MFHAS1: variants seen among roughly 807,000 people sequenced by gnomAD.
The protein encoded by MFHAS1 is multifunctional ROCO family signaling regulator 1, also known as malignant fibrous histiocytoma-amplified sequence 1.
MFHAS1 carries 50 observed loss-of-function variants against 70.4 expected under a neutral mutation model. The ratio of observed to expected loss-of-function variants is 0.71; its 90% CI spans 0.57 to 0.90. The LOEUF (loss-of-function observed/expected upper bound fraction) is 0.90. MFHAS1 is among the 40% of genes least tolerant of loss of function. The probability of loss-of-function intolerance (pLI) is 0.00; values close to 1 mark genes in which losing one functional copy is unlikely to be tolerated. For synonymous variants in MFHAS1, 952 were observed against 620.0 expected (o/e 1.54, Z -7.96); for missense variants, 1,795 against 1,347.6 (o/e 1.33, Z -5.20).
chr8:8,870,947 G>A (rs955618469), intron 1 of MFHAS1, among the ~76,000 whole-genome samples: 1 of 152,136 alleles, frequency 6.6e-6, no homozygotes, highest in Non-Finnish European at 1.5e-5. Context: ...GGTGACAGGA[G>A]CGTCACTCTG....
At chr8:8,791,768 G>A (rs1213737311) in intron 2 of MFHAS1, among the ~76,000 whole-genome samples, 1 of 152,160 alleles carries the variant, frequency 6.6e-6, no homozygotes, top group Admixed American at 6.5e-5. Flanking sequence ...CAGTACCCCT[G>A]AAATATCTAG....
intron 1 of MFHAS1, among the ~76,000 whole-genome samples, chr8:8,805,706 T>C (rs112717383): frequency 0.14 from 20,672 of 152,128 alleles, 1,877 homozygotes; most frequent in Non-Finnish European, 0.2. Context: ...TTTGTTTTGC[T>C]TTCTTTTTTG....
intron 1 of MFHAS1, among the ~76,000 whole-genome samples, chr8:8,814,300 C>A (rs1287687512): frequency 6.6e-6 from 1 of 152,162 alleles, no homozygotes; most frequent in African/African-American, 2.4e-5. Flanking sequence ...TGCACAAATA[C>A]TTACCATCGT....
chr8:8,874,125 G>T (rs927527270), intron 1 of MFHAS1, among the ~76,000 whole-genome samples: 1 of 152,040 alleles, frequency 6.6e-6, no homozygotes, highest in Non-Finnish European at 1.5e-5. Flanking sequence ...TTTTCTAATT[G>T]CATCTCAAGA....
intron 1 of MFHAS1, among the ~76,000 whole-genome samples, chr8:8,868,564 A>C (rs571769697): frequency 6.6e-6 from 1 of 152,004 alleles, no homozygotes; most frequent in African/African-American, 2.4e-5. Flanking sequence ...GCTACTCCCA[A>C]CTACTCGGAT....
At position 8,823,747 on chromosome 8, in the gene MFHAS1, C is replaced by T. The variant is rs574968651; in HGVS notation, c.2999-26256G>A. Among the ~76,000 whole-genome samples the T allele has an allele frequency of 7.1e-4, 105 of 148,480 alleles. 1 individual carries two copies. Among genetic ancestry groups the T allele is most frequent in the East Asian group, 3.0e-3 (15 of 4,944 alleles). Reference sequence around the variant, plus strand: ...AGGTCACCGAGAAGAGCATCACCTGCGAAATTTCAAGACCCACGGTGGCTG... The same window carrying T: ...AGGTCACCGAGAAGAGCATCACCTGTGAAATTTCAAGACCCACGGTGGCTG... On this transcript the variant is annotated intron_variant, in intron 1 of 2. Transcript: ENST00000276282.
intron 1 of MFHAS1, among the ~76,000 whole-genome samples, chr8:8,882,339 C>G (rs773148420): frequency 1.3e-5 from 2 of 151,346 alleles, no homozygotes; most frequent in Non-Finnish European, 3.0e-5. Flanking sequence ...GCAGTGAGCT[C>G]AGATAGTGGC....
intron 1 of MFHAS1, among the ~76,000 whole-genome samples, chr8:8,872,355 C>A (rs1328418119): frequency 6.6e-6 from 1 of 152,110 alleles, no homozygotes; most frequent in Non-Finnish European, 1.5e-5. Flanking sequence ...TCACAAATGG[C>A]CCCATAAATC....
chr8:8,861,878 G>A (rs1808675895), intron 1 of MFHAS1, among the ~76,000 whole-genome samples: 3 of 152,192 alleles, frequency 2.0e-5, no homozygotes, highest in Admixed American at 2.0e-4. Flanking sequence ...AGTCATCCAT[G>A]TCGCTTTATC....
At chr8:8,873,463 T>A (rs1214792963) in intron 1 of MFHAS1, among the ~76,000 whole-genome samples, 1 of 139,644 alleles carries the variant, frequency 7.2e-6, no homozygotes, top group East Asian at 2.1e-4. Flanking sequence ...TATAACAGGA[T>A]TTAATTGCTT....
chr8:8,892,101 G>A lies in MFHAS1; in HGVS notation c.958C>T (p.Arg320Trp). 1 of 1,613,324 alleles carries A rather than the reference G, an allele frequency of 6.2e-7. No individual in the cohort carries two copies. The highest frequency in any genetic ancestry group is 8.5e-7 in the Non-Finnish European group (1 of 1,180,026). Residue 320 changes from arginine to tryptophan, a missense_variant, in exon 1 of 3, where the codon CGG becomes TGG. Transcript: ENST00000276282. The surrounding 1 kb of genome is among the most constrained non-coding windows in gnomAD (Gnocchi z 4.7). ...SVPSLISGLGRLLTLWLDNNR... is the reference protein window; with the variant it reads ...SVPSLISGLGWLLTLWLDNNR... ...TTATCCAGCCACAAGGTGAGAAGCCGGCCCAGGCCCGAGATAAGGGATGGC... is the reference window on the plus strand; with the variant it reads ...TTATCCAGCCACAAGGTGAGAAGCCAGCCCAGGCCCGAGATAAGGGATGGC...
chr8:8,838,064 C>T (rs6601265), intron 1 of MFHAS1, among the ~76,000 whole-genome samples: 106,801 of 152,186 alleles, frequency 0.7, 38,028 homozygotes, highest in East Asian at 0.84. Flanking sequence ...ATAAATAAAC[C>T]GGCATATTCA....
chr8:8,808,992 C>A (rs1017643190), intron 1 of MFHAS1, among the ~76,000 whole-genome samples: 4 of 152,104 alleles, frequency 2.6e-5, no homozygotes, highest in Admixed American at 2.6e-4. Context: ...AAATTACCAC[C>A]GGAGCTCCAT....
intron 1 of MFHAS1, among the ~76,000 whole-genome samples, chr8:8,825,176 GT>G (rs1323435272): frequency 1.3e-5 from 2 of 152,046 alleles, no homozygotes; most frequent in African/African-American, 4.8e-5. Context: ...AAGGGTTGCG[GT>G]TTTTTTGTTT....
intron 1 of MFHAS1, among the ~76,000 whole-genome samples, chr8:8,883,324 C>T (rs916506224): frequency 2.6e-5 from 4 of 152,146 alleles, no homozygotes; most frequent in African/African-American, 9.7e-5. Flanking sequence ...GGGCCTGCAC[C>T]CACCCGCTGG....
intron 2 of MFHAS1, among the ~76,000 whole-genome samples, chr8:8,793,176 C>CA (rs59796124): frequency 0.047 from 6,836 of 145,050 alleles, 443 homozygotes; most frequent in African/African-American, 0.15. Flanking sequence ...GTTGTTAAAA[C>CA]AAAAAAAAAA....
chr8:8,819,207 T>A (rs749132043), intron 1 of MFHAS1, among the ~76,000 whole-genome samples: 1 of 152,196 alleles, frequency 6.6e-6, no homozygotes, highest in Admixed American at 6.5e-5. Flanking sequence ...TCTACTACCA[T>A]TTTGGGGTGG....
At chr8:8,887,336 G>A (rs566534982) in intron 1 of MFHAS1, among the ~76,000 whole-genome samples, 8 of 151,400 alleles carry the variant, frequency 5.3e-5, no homozygotes, top group East Asian at 1.9e-4. Flanking sequence ...CAAATCTTTC[G>A]TAACTGTAAC....
At chr8:8,843,774 T>A (rs1408824982) in intron 1 of MFHAS1, among the ~76,000 whole-genome samples, 1 of 152,084 alleles carries the variant, frequency 6.6e-6, no homozygotes, top group Non-Finnish European at 1.5e-5. Context: ...AGCGAACTCA[T>A]CCCTATCTTA....
Sources: allele counts gnomAD v4.1 joint callset (sites outside exome capture counted in the v4.1 genomes callset), GRCh38; gene constraint gnomAD v4.1.1; non-coding constraint Gnocchi (gnomAD v3.1); transcripts MANE v1.5; gene names NCBI Gene and HGNC (gene_info 2026-07-23, HGNC 2026-07-21).